The following FSTL1 variants were observed in gnomAD, a reference collection of about 807,000 sequenced individuals.
The protein encoded by FSTL1 is follistatin like 1.
FSTL1 carries 24 observed loss-of-function variants against 45.9 expected under a neutral mutation model. The ratio of observed to expected loss-of-function variants is 0.52; its 90% CI spans 0.38 to 0.74. The LOEUF is 0.74. Among genes scored for constraint, FSTL1 ranks in the 30% least tolerant of loss-of-function variants. The probability of loss-of-function intolerance (pLI) is 0.00; values close to 1 mark genes in which losing one functional copy is unlikely to be tolerated. For synonymous variants in FSTL1, 120 were observed against 137.6 expected (o/e 0.87, Z 0.89); for missense variants, 340 against 381.8 (o/e 0.89, Z 0.91).
At position 120,396,591 on chromosome 3, in the gene FSTL1, G is replaced by A. The variant is rs1400727615; in HGVS notation, c.*361C>T. 5.0e-6 allele frequency: 1 copy of A among 199,544 alleles called. No individual in the cohort carries two copies. The highest frequency in any genetic ancestry group is 1.2e-4 in the South Asian group (1 of 8,290). 12.4% of individuals were successfully genotyped at this position (199,544 alleles called of 1,614,324 possible). On this transcript the variant is annotated 3_prime_UTR_variant, in exon 11 of 11. Coordinates refer to ENST00000295633, the MANE Select transcript of FSTL1 (RefSeq NM_007085.5). ...CTCTCCTCCGGGGACACCCTGCTAA[G>A]TTCTCTCTGGCATCGTGTGCACTCC...
intron 3 of FSTL1, 139 bp from the exon 4 acceptor site, chr3:120,412,122 C>A: frequency 1.2e-6 from 1 of 825,972 alleles, no homozygotes; most frequent in Non-Finnish European, 1.9e-6. Flanking sequence ...GCTTCTACCC[C>A]ATCAGGGCAC....
intron 3 of FSTL1, among the ~76,000 whole-genome samples, chr3:120,412,815 CATGT>C (rs1937087201): frequency 3.6e-5 from 3 of 82,798 alleles, no homozygotes; most frequent in South Asian, 4.7e-4. Flanking sequence ...AACACACACA[CATGT>C]GCGCGCGCGC....
intron 6 of FSTL1, among the ~76,000 whole-genome samples, chr3:120,407,418 G>C (rs1460772559): frequency 6.6e-6 from 1 of 152,216 alleles, no homozygotes; most frequent in Non-Finnish European, 1.5e-5. Flanking sequence ...CAAATTCCAA[G>C]AGCATGGAAG....
intron 2 of FSTL1, among the ~76,000 whole-genome samples, chr3:120,430,495 A>G (rs1937457659): frequency 6.6e-6 from 1 of 152,200 alleles, no homozygotes; most frequent in Admixed American, 6.5e-5. Context: ...ATTGTTCTCT[A>G]CTAGGCATGG....
chr3:120,426,909 C>G (rs1937392513), intron 2 of FSTL1, among the ~76,000 whole-genome samples: 1 of 152,060 alleles, frequency 6.6e-6, no homozygotes, highest in African/African-American at 2.4e-5. Flanking sequence ...ATACTGAAAG[C>G]TTTGGGAAGT....
chr3:120,398,146 T>A (rs1936740799), intron 10 of FSTL1, among the ~76,000 whole-genome samples: 1 of 152,166 alleles, frequency 6.6e-6, no homozygotes, highest in African/African-American at 2.4e-5. Flanking sequence ...TCTGGGATAA[T>A]GAAAATGTTC....
At chr3:120,437,125 A>G (rs775126786) in intron 2 of FSTL1, among the ~76,000 whole-genome samples, 4 of 152,196 alleles carry the variant, frequency 2.6e-5, no homozygotes, top group Non-Finnish European at 5.9e-5. Flanking sequence ...GGGATCAGAA[A>G]TTTCTCGGAC....
chr3:120,398,911 A>G (rs757904989), intron 10 of FSTL1, among the ~76,000 whole-genome samples: 2 of 152,232 alleles, frequency 1.3e-5, no homozygotes, highest in Non-Finnish European at 2.9e-5. Flanking sequence ...TTGAAAAGCA[A>G]AAGACTAGAA....
At chr3:120,443,609 GAC>G (rs148959628) in intron 2 of FSTL1, among the ~76,000 whole-genome samples, 1 of 149,168 alleles carries the variant, frequency 6.7e-6, no homozygotes, top group African/African-American at 2.6e-5. Flanking sequence ...AATATCCCAT[GAC>G]ACACACACAC....
At chr3:120,429,861 C>T (rs1393538869) in intron 2 of FSTL1, among the ~76,000 whole-genome samples, 1 of 152,184 alleles carries the variant, frequency 6.6e-6, no homozygotes, top group Non-Finnish European at 1.5e-5. Flanking sequence ...ATTCATTTCA[C>T]ACTTTGTCAC....
At position 120,396,005 on chromosome 3, in the gene FSTL1, C is replaced by T. The variant is rs1294626924; in HGVS notation, c.*947G>A. The T allele has an allele frequency of 1.4e-5, 4 of 287,434 alleles. No homozygotes were observed. The highest frequency in any genetic ancestry group is 6.6e-6 in the Non-Finnish European group (1 of 151,732). The allele number at this position is 287,434 out of a possible 1,614,324, so 17.8% of individuals were successfully genotyped here. Reference sequence around the variant, plus strand: ...GTTTTTTATGAAGATGCTTCTTCCCCTGGCTTCGGTCTAAGGCACCCTTGC... The same window carrying T: ...GTTTTTTATGAAGATGCTTCTTCCCTTGGCTTCGGTCTAAGGCACCCTTGC... On this transcript the variant is annotated 3_prime_UTR_variant, in exon 11 of 11. Transcript: ENST00000295633.
chr3:120,402,735 C>T, intron 9 of FSTL1, 73 bp downstream of exon 9: 1 of 967,046 alleles, frequency 1.0e-6, no homozygotes, highest in Non-Finnish European at 1.7e-6. Flanking sequence ...CATCCCCACC[C>T]CAACTTCTCT....
intron 10 of FSTL1, 65 bp downstream of exon 10, chr3:120,399,818 G>A (rs1936782272): frequency 1.8e-6 from 2 of 1,087,604 alleles, no homozygotes; most frequent in Non-Finnish European, 2.8e-6. Context: ...ACTGGGCAGT[G>A]TTTGAATGGT....
chr3:120,405,963 T>A (rs747512715), intron 6 of FSTL1, among the ~76,000 whole-genome samples: 10 of 152,078 alleles, frequency 6.6e-5, no homozygotes, highest in Non-Finnish European at 1.3e-4. Flanking sequence ...AGCTTCCCCA[T>A]GTTACTTTCA....
chr3:120,406,578 A>C (rs930929770), intron 6 of FSTL1, among the ~76,000 whole-genome samples: 1 of 152,216 alleles, frequency 6.6e-6, no homozygotes, highest in Non-Finnish European at 1.5e-5. Flanking sequence ...GGTCCAGCCC[A>C]TGTGCTTTCT....
intron 6 of FSTL1, among the ~76,000 whole-genome samples, chr3:120,408,233 T>C (rs1463929247): frequency 6.6e-6 from 1 of 152,170 alleles, no homozygotes; most frequent in Admixed American, 6.5e-5. Context: ...TGTTTTTCTG[T>C]AGAAGAGGAA....
At position 120,450,821 on chromosome 3, in the gene FSTL1, C is replaced by T. The variant is rs574705914; in HGVS notation, c.1-75G>A. 8.8e-4 allele frequency: 974 copies of T among 1,111,830 alleles called. 14 individuals are homozygous for T. The African/African-American group carries it at 0.013, about 15-fold the overall frequency. 68.9% of individuals were successfully genotyped at this position (1,111,830 alleles called of 1,614,324 possible). On this transcript the variant is annotated intron_variant, in intron 1 of 10. Coordinates refer to ENST00000295633, the MANE Select transcript of FSTL1 (RefSeq NM_007085.5). ...ACCTGGGAAACTTGCTCGGGTCCCG[C>T]AGGCTCGCTCCGGCCGCCCAAGCAC...
At chr3:120,447,356 T>C (rs1937774486) in intron 2 of FSTL1, among the ~76,000 whole-genome samples, 1 of 152,212 alleles carries the variant, frequency 6.6e-6, no homozygotes, top group South Asian at 2.1e-4. Context: ...GCACTCCCTC[T>C]GCTGCTGCCC....
At chr3:120,422,416 CCATA>C (rs1353742723) in intron 2 of FSTL1, among the ~76,000 whole-genome samples, 1 of 152,072 alleles carries the variant, frequency 6.6e-6, no homozygotes, top group African/African-American at 2.4e-5. Flanking sequence ...GAACATTTCA[CCATA>C]TATATGAATA....
Sources: gnomAD v4.1 joint callset for allele counts (sites outside exome capture counted in the v4.1 genomes callset) on GRCh38, gnomAD v4.1.1 for gene constraint, MANE v1.5 for transcripts, NCBI Gene and HGNC (gene_info 2026-07-23, HGNC 2026-07-21) for gene names.